Variants in SLC25A20 observed in about 807,000 individuals in gnomAD.
SLC25A20 encodes the protein mitochondrial carnitine/acylcarnitine carrier protein.
In SLC25A20, 29 loss-of-function variants were observed where a neutral mutation model predicts 39.7. The ratio of observed to expected loss-of-function variants is 0.73; its 90% CI spans 0.54 to 1.00. The LOEUF (loss-of-function observed/expected upper bound fraction) is 1.00, where lower values mean the gene tolerates loss of function less well. Among genes scored for constraint, SLC25A20 ranks in the 50% least tolerant of loss-of-function variants. The pLI, the probability that SLC25A20 is intolerant of heterozygous loss-of-function variation, is 0.00. For synonymous variants in SLC25A20, 103 were observed against 142.2 expected (o/e 0.72, Z 1.96); for missense variants, 333 against 379.9 (o/e 0.88, Z 1.03).
intron 2 of SLC25A20, among the ~76,000 whole-genome samples, chr3:48,887,759 G>A (rs1194993875): frequency 1.3e-5 from 2 of 152,050 alleles, no homozygotes; most frequent in African/African-American, 2.4e-5. Context: ...AAAATTAGTC[G>A]GGCATGGTGG....
chr3:48,860,740 A>G (rs910084117), intron 5 of SLC25A20, among the ~76,000 whole-genome samples: 2 of 151,780 alleles, frequency 1.3e-5, no homozygotes, highest in African/African-American at 4.8e-5. Flanking sequence ...GTAAGCCAAG[A>G]TCACACTAAT....
intron 3 of SLC25A20, among the ~76,000 whole-genome samples, chr3:48,880,273 T>C (rs558325657): frequency 2.0e-5 from 3 of 152,138 alleles, no homozygotes; most frequent in African/African-American, 7.2e-5. Flanking sequence ...TTCTTTTCTT[T>C]CGTCTTTTTG....
At chr3:48,880,112 T>C (rs1025179146) in intron 3 of SLC25A20, among the ~76,000 whole-genome samples, 1 of 152,124 alleles carries the variant, frequency 6.6e-6, no homozygotes, top group Admixed American at 6.6e-5. Flanking sequence ...CTGTGGACCC[T>C]GTACAGGGAA....
intron 3 of SLC25A20, among the ~76,000 whole-genome samples, chr3:48,880,507 C>T (rs562151828): frequency 6.6e-6 from 1 of 150,996 alleles, no homozygotes; most frequent in South Asian, 2.1e-4. Context: ...GAACTCCTGA[C>T]CTCAAGTGAT....
chr3:48,889,090 CAA>C (rs1229068986), intron 2 of SLC25A20, among the ~76,000 whole-genome samples: 1 of 135,720 alleles, frequency 7.4e-6, no homozygotes. Flanking sequence ...AACTCCGTCT[CAA>C]AAAAAAAAAA....
intron 4 of SLC25A20, among the ~76,000 whole-genome samples, chr3:48,876,641 G>C (rs2083759900): frequency 1.3e-5 from 2 of 151,290 alleles, no homozygotes; most frequent in Admixed American, 6.6e-5. Context: ...GGTCAGGCTG[G>C]TCTCGAACTC....
chr3:48,877,526 C>A (rs770412617), intron 4 of SLC25A20, among the ~76,000 whole-genome samples: 2 of 151,746 alleles, frequency 1.3e-5, no homozygotes, highest in Non-Finnish European at 2.9e-5. Flanking sequence ...GTCAGGAGAT[C>A]GAAACCATCC....
Position 48,869,426 on chromosome 3 carries a change from T to A in SLC25A20, c.418-6767A>T, listed in dbSNP as rs746406304. Reference sequence around the variant, plus strand: ...ACTTTGGGAGGCGAAGGCAGCTGGATCACGAGGTCAGGAGATTGAGGTGAC... The same window carrying A: ...ACTTTGGGAGGCGAAGGCAGCTGGAACACGAGGTCAGGAGATTGAGGTGAC... On this transcript the variant is annotated intron_variant, in intron 4 of 8. Coordinates refer to ENST00000319017, the MANE Select transcript of SLC25A20 (RefSeq NM_000387.6). Among the ~76,000 whole-genome samples, 58 of 152,196 alleles carry A rather than the reference T, an allele frequency of 3.8e-4. 1 individual carries two copies. The highest frequency in any genetic ancestry group is 3.4e-3 in the Middle Eastern group (1 of 294).
intron 4 of SLC25A20, among the ~76,000 whole-genome samples, chr3:48,869,954 C>A (rs557525533): frequency 6.6e-6 from 1 of 151,430 alleles, no homozygotes; most frequent in Non-Finnish European, 1.5e-5. Flanking sequence ...CCTGTCTCTA[C>A]AAAAAACTAA....
At chr3:48,871,219 T>C (rs2106644779) in intron 4 of SLC25A20, among the ~76,000 whole-genome samples, 1 of 152,142 alleles carries the variant, frequency 6.6e-6, no homozygotes, top group African/African-American at 2.4e-5. Context: ...CCCGAATTGA[T>C]CTGTACGTTT....
intron 8 of SLC25A20, 149 bp from the exon 9 acceptor site, chr3:48,857,921 T>C (rs966265196): frequency 6.7e-5 from 44 of 653,158 alleles, no homozygotes; most frequent in Non-Finnish European, 5.2e-5. Flanking sequence ...CTCTACTCTC[T>C]CATTTTTAAG....
intron 4 of SLC25A20, among the ~76,000 whole-genome samples, chr3:48,868,228 A>G (rs2106642094): frequency 6.6e-6 from 1 of 152,064 alleles, no homozygotes; most frequent in East Asian, 1.9e-4. Context: ...GAGGAGAGGT[A>G]CGAAGCGGTC....
At chr3:48,873,438 G>T (rs536463318) in intron 4 of SLC25A20, among the ~76,000 whole-genome samples, 25 of 149,600 alleles carry the variant, frequency 1.7e-4, no homozygotes, top group Non-Finnish European at 2.7e-4. Context: ...GTGAAACCCC[G>T]TCTCTACTGC....
chr3:48,864,838 G>T (rs1315214674), intron 4 of SLC25A20, among the ~76,000 whole-genome samples: 4 of 152,064 alleles, frequency 2.6e-5, no homozygotes, highest in African/African-American at 9.7e-5. Context: ...CAATGGAGAT[G>T]GTGTGAAGGG....
At chr3:48,878,273 A>AATATATATAT (rs201286551) in intron 4 of SLC25A20, among the ~76,000 whole-genome samples, 2 of 127,672 alleles carry the variant, frequency 1.6e-5, no homozygotes, top group Non-Finnish European at 3.3e-5. Flanking sequence ...AAAAAAAAAA[A>AATATATATAT]ATATATATAT....
intron 5 of SLC25A20, 32 bp downstream of exon 5, chr3:48,862,510 A>C (rs760805254): frequency 7.0e-7 from 1 of 1,429,370 alleles, no homozygotes; most frequent in African/African-American, 1.4e-5. Flanking sequence ...TGACCTCCCC[A>C]GGTGACCTCA....
At chr3:48,876,748 A>G (rs1056805662) in intron 4 of SLC25A20, among the ~76,000 whole-genome samples, 4 of 151,882 alleles carry the variant, frequency 2.6e-5, no homozygotes, top group Admixed American at 2.6e-4. Context: ...TTAAAATTTA[A>G]AAAAAATTAT....
intron 4 of SLC25A20, among the ~76,000 whole-genome samples, chr3:48,871,865 G>T (rs1373309402): frequency 6.6e-6 from 1 of 151,690 alleles, no homozygotes; most frequent in East Asian, 1.9e-4. Context: ...CGTCACCCAG[G>T]GTTTAGTGCA....
Position 48,893,888 on chromosome 3 carries a change from C to T in SLC25A20, c.106-1816G>A, listed in dbSNP as rs542621264. 2.4e-3 allele frequency among the ~76,000 whole-genome samples: 351 copies of T among 149,078 alleles called. 3 individuals are homozygous for T. Among genetic ancestry groups the T allele is most frequent in the African/African-American group, 8.2e-3 (332 of 40,580 alleles). ...AAAAAAAAAAAAAGGAGGCCAGGCGCGGTGGCTCACACCTGTAATCCCAGC... is the reference window on the plus strand; with the variant it reads ...AAAAAAAAAAAAAGGAGGCCAGGCGTGGTGGCTCACACCTGTAATCCCAGC... On this transcript the variant is annotated intron_variant, in intron 1 of 8. Coordinates refer to ENST00000319017, the MANE Select transcript of SLC25A20 (RefSeq NM_000387.6).
Sources: gnomAD v4.1 joint callset for allele counts (sites outside exome capture counted in the v4.1 genomes callset) on GRCh38, gnomAD v4.1.1 for gene constraint, MANE v1.5 for transcripts, NCBI Gene and HGNC (gene_info 2026-07-23, HGNC 2026-07-21) for gene names.